EPHB2: variants seen among roughly 807,000 people sequenced by gnomAD.
The protein encoded by EPHB2 is ephrin type-B receptor 2.
Under a neutral mutation model 96.4 loss-of-function variants are expected in EPHB2, and 18 were observed. The ratio of observed to expected loss-of-function variants is 0.19; its 90% CI spans 0.13 to 0.28. The LOEUF (loss-of-function observed/expected upper bound fraction) is 0.28, where lower values mean the gene tolerates loss of function less well. EPHB2 is among the 10% of genes least tolerant of loss of function. The probability of loss-of-function intolerance (pLI) is 1.00; values close to 1 mark genes in which losing one functional copy is unlikely to be tolerated. For synonymous variants in EPHB2, 506 were observed against 534.1 expected (o/e 0.95, Z 0.72); for missense variants, 989 against 1,355.4 (o/e 0.73, Z 4.25).
At chr1:22,726,587 A>AT (rs1267564778) in intron 1 of EPHB2, among the ~76,000 whole-genome samples, 1 of 151,878 alleles carries the variant, frequency 6.6e-6, no homozygotes, top group East Asian at 1.9e-4. Flanking sequence ...CACCCGGCTA[A>AT]TTTTTTATAT....
In EPHB2 at chr1:22,846,146, C is replaced by T. The variant is rs780074851; in HGVS notation, c.812-16891C>T. Among the ~76,000 whole-genome samples, 6 of 152,138 alleles carry T rather than the reference C, an allele frequency of 3.9e-5. No individual in the cohort carries two copies. The highest frequency in any genetic ancestry group is 8.8e-5 in the Non-Finnish European group (6 of 68,020). ...GAATGTCCCAGGGCGTGGCCAGGTG[C>T]GGTGGTTCACACCTGTAATCCTAGC... On this transcript the variant is annotated intron_variant, in intron 3 of 15. Transcript: ENST00000374630. The surrounding 1 kb of genome is among the most constrained non-coding windows in gnomAD (Gnocchi z 4.3).
At chr1:22,826,945 G>A (rs976013848) in intron 3 of EPHB2, among the ~76,000 whole-genome samples, 3 of 152,218 alleles carry the variant, frequency 2.0e-5, no homozygotes, top group African/African-American at 4.8e-5. Flanking sequence ...CTTTCTGGAT[G>A]TCCCACAGTC....
intron 2 of EPHB2, among the ~76,000 whole-genome samples, chr1:22,782,924 C>T (rs1023966478): frequency 1.3e-4 from 20 of 152,196 alleles, no homozygotes; most frequent in Admixed American, 3.3e-4. Flanking sequence ...CTGCTCCACA[C>T]GCACAGACTT....
At chr1:22,912,639 C>T in intron 15 of EPHB2, 40 bp downstream of exon 15, 1 of 1,610,024 alleles carries the variant, frequency 6.2e-7, no homozygotes, top group Non-Finnish European at 8.5e-7. Context: ...CTTAGCACCC[C>T]CTCTCCACCG....
chr1:22,763,133 G>A (rs943049722), intron 1 of EPHB2, among the ~76,000 whole-genome samples: 1 of 152,176 alleles, frequency 6.6e-6, no homozygotes, highest in Non-Finnish European at 1.5e-5. Flanking sequence ...GACATCCATG[G>A]AGGACCTGAG....
rs309489 is a variant in EPHB2 at position 22,918,976 on chromosome 1, G to A, written c.*5406G>A. 0.036 allele frequency: 5,470 copies of A among 152,224 alleles called. 336 individuals are homozygous for A. Among genetic ancestry groups the A allele is most frequent in the African/African-American group, 0.12 (5,139 of 41,508 alleles). The allele number at this position is 152,224 out of a possible 1,614,324, so 9.4% of individuals were successfully genotyped here. On this transcript the variant is annotated 3_prime_UTR_variant, in exon 16 of 16. Coordinates refer to ENST00000374630, the MANE Select transcript of EPHB2 (RefSeq NM_017449.5). This position sits in a 1 kb window ranked among gnomAD's most constrained non-coding sequence, Gnocchi z 4.2. ...TGTAGTCCTTCCTTCCCACCTCCTG[G>A]GATTTCTCAAAATGTTTGCCATCGC...
chr1:22,873,597 C>T (rs550382269), intron 5 of EPHB2, among the ~76,000 whole-genome samples: 1 of 152,228 alleles, frequency 6.6e-6, no homozygotes, highest in Admixed American at 6.5e-5. Context: ...AACAGCATGG[C>T]TTAGACTAAA....
intron 1 of EPHB2, among the ~76,000 whole-genome samples, chr1:22,713,578 G>T (rs1049905839): frequency 1.3e-5 from 2 of 151,996 alleles, no homozygotes; most frequent in African/African-American, 2.4e-5. Flanking sequence ...GTGCACATTT[G>T]GGGGGCGGTG....
At chr1:22,813,881 T>C (rs555932005) in intron 3 of EPHB2, among the ~76,000 whole-genome samples, 1 of 152,258 alleles carries the variant, frequency 6.6e-6, no homozygotes, top group African/African-American at 2.4e-5. Flanking sequence ...GGCTCAGAAA[T>C]GATAGTCACA....
rs933616547 is a variant in EPHB2 at position 22,758,914 on chromosome 1, C to T, written c.62-22507C>T. Among the ~76,000 whole-genome samples, 4 of 14,306 alleles carry T rather than the reference C, an allele frequency of 2.8e-4. No homozygotes were observed. The Admixed American group carries it at 3.2e-3, about 11-fold the overall frequency. The allele number at this position is 14,306 out of a possible 152,430, so 9.4% of individuals were successfully genotyped here. Reference sequence around the variant, plus strand: ...GGCTGGCTGGATGGATGATGGGTGACGGATGGGTGGGTGGGTGGGTGGATG... The same window carrying T: ...GGCTGGCTGGATGGATGATGGGTGATGGATGGGTGGGTGGGTGGGTGGATG... On this transcript the variant is annotated intron_variant, in intron 1 of 15. Transcript: ENST00000374630.
At chr1:22,894,146 G>A (rs1006590408) in intron 7 of EPHB2, among the ~76,000 whole-genome samples, 5 of 152,140 alleles carry the variant, frequency 3.3e-5, no homozygotes, top group African/African-American at 1.2e-4. Flanking sequence ...TTGGGTGAGT[G>A]TCATTGACTG....
At chr1:22,735,832 T>G (rs1358505648) in intron 1 of EPHB2, among the ~76,000 whole-genome samples, 1 of 152,146 alleles carries the variant, frequency 6.6e-6, no homozygotes, top group East Asian at 1.9e-4. Flanking sequence ...AGAGCAGGAC[T>G]GAGGGAGAGG....
rs577195319 is a variant in EPHB2 at position 22,889,069 on chromosome 1, C to T, written c.1429-3815C>T. 3.3e-5 allele frequency among the ~76,000 whole-genome samples: 5 copies of T among 152,204 alleles called. No individual in the cohort carries two copies. The East Asian group carries it at 7.7e-4, about 24-fold the overall frequency. On this transcript the variant is annotated intron_variant, in intron 6 of 15. Transcript: ENST00000374630. The stretch of plus-strand genomic sequence containing the variant: ...ACTAGGGAGGCTGAGGTGGGAGGAT[C>T]GCTTGTGTCTGGGAGGTCGAGGCTG...
chr1:22,713,881 C>G (rs528815314), intron 1 of EPHB2, among the ~76,000 whole-genome samples: 1 of 152,118 alleles, frequency 6.6e-6, no homozygotes, highest in Non-Finnish European at 1.5e-5. Flanking sequence ...TAGCATCTCC[C>G]CCAAACTGTG....
At chr1:22,837,045 G>A (rs1017266312) in intron 3 of EPHB2, among the ~76,000 whole-genome samples, 7 of 152,216 alleles carry the variant, frequency 4.6e-5, no homozygotes, top group African/African-American at 1.4e-4. Flanking sequence ...CCTACACGGC[G>A]GGGGAGGGGG....
intron 3 of EPHB2, among the ~76,000 whole-genome samples, chr1:22,814,579 A>C (rs1414041976): frequency 6.6e-6 from 1 of 152,176 alleles, no homozygotes; most frequent in Non-Finnish European, 1.5e-5. Context: ...GCATCATGGT[A>C]GTCTCCTCAT....
At chr1:22,786,374 G>A (rs114440165) in intron 3 of EPHB2, among the ~76,000 whole-genome samples, 225 of 152,340 alleles carry the variant, frequency 1.5e-3, no homozygotes, top group African/African-American at 5.3e-3. Flanking sequence ...AGCTACTTGT[G>A]TCATGTCCTC....
At chr1:22,735,203 T>A (rs1204412482) in intron 1 of EPHB2, among the ~76,000 whole-genome samples, 1 of 151,810 alleles carries the variant, frequency 6.6e-6, no homozygotes, top group African/African-American at 2.4e-5. Flanking sequence ...GGCAGGAGGG[T>A]GAGGCAGGAG....
chr1:22,878,904 G>A lies in EPHB2; in HGVS notation c.1304-3455G>A, dbSNP rs535487178. 9.2e-5 allele frequency among the ~76,000 whole-genome samples: 14 copies of A among 152,356 alleles called. No individual in the cohort carries two copies. In the South Asian group the frequency reaches 2.9e-3, roughly 32 times the overall value. On this transcript the variant is annotated intron_variant, in intron 5 of 15. Transcript: ENST00000374630. ...ATCCAAATACTCCTCACCCGTCCTT[G>A]CCCTTGCGGGCTCTGTGTGTCTGAT...
Sources: allele counts gnomAD v4.1 joint callset (sites outside exome capture counted in the v4.1 genomes callset), GRCh38; gene constraint gnomAD v4.1.1; non-coding constraint Gnocchi (gnomAD v3.1); transcripts MANE v1.5; gene names NCBI Gene and HGNC (gene_info 2026-07-23, HGNC 2026-07-21).